Variants in NCAM1 observed in about 807,000 individuals in gnomAD.
NCAM1 encodes the protein neural cell adhesion molecule 1.
NCAM1 carries 14 observed loss-of-function variants against 109.8 expected under a neutral mutation model. That is an observed-to-expected ratio of 0.13 (90% CI 0.08 to 0.20). The LOEUF is 0.20. Ranked by LOEUF, NCAM1 falls within the 10% of genes least tolerant of loss-of-function variation. The pLI, the probability that NCAM1 is intolerant of heterozygous loss-of-function variation, is 1.00. For missense variants in NCAM1, 774 were observed against 1,109.9 expected, an observed-to-expected ratio of 0.70 and a Z score of 4.30; for synonymous variants, 418 against 442.9, an observed-to-expected ratio of 0.94 and a Z score of 0.70.
rs548109219 is a variant in NCAM1 at position 113,015,391 on chromosome 11, A to C, written c.52+53727A>C. Among the ~76,000 whole-genome samples the C allele has an allele frequency of 2.0e-5, 3 of 152,288 alleles. No individual in the cohort carries two copies. The South Asian group carries it at 6.2e-4, about 32-fold the overall frequency. ...ACATCTGGTTCAACCAAATATTACA[A>C]AATAGTTTGGGTGTAACCCTCTGAT... On this transcript the variant is annotated intron_variant, in intron 1 of 19. Coordinates refer to ENST00000316851, the MANE Select transcript of NCAM1 (RefSeq NM_181351.5).
chr11:113,264,360 C>T (rs1565538204), intron 17 of NCAM1: 2 of 985,378 alleles, frequency 2.0e-6, no homozygotes, highest in East Asian at 1.1e-4. Flanking sequence ...GCCATTAATC[C>T]CCAGCGCTCA....
intron 17 of NCAM1, chr11:113,263,058 G>C: frequency 7.1e-7 from 1 of 1,417,620 alleles, no homozygotes; most frequent in South Asian, 1.7e-5. Flanking sequence ...GGAAGAGAAG[G>C]TTTTGTGATT....
At chr11:113,095,900 A>T (rs1939574995) in intron 1 of NCAM1, among the ~76,000 whole-genome samples, 2 of 152,210 alleles carry the variant, frequency 1.3e-5, no homozygotes, top group African/African-American at 2.4e-5. Context: ...AATGAATAAT[A>T]ATAGCTGTTT....
chr11:113,059,819 C>T (rs1953854698), intron 1 of NCAM1, among the ~76,000 whole-genome samples: 1 of 152,162 alleles, frequency 6.6e-6, no homozygotes, highest in Non-Finnish European at 1.5e-5. Flanking sequence ...CAGTGATTCC[C>T]TCCCAATGAA....
chr11:112,990,478 A>G (rs538687988), intron 1 of NCAM1, among the ~76,000 whole-genome samples: 1 of 152,180 alleles, frequency 6.6e-6, no homozygotes, highest in East Asian at 1.9e-4. Flanking sequence ...TCTCAGAGCC[A>G]TTTCAGGGTT....
chr11:112,997,257 T>G (rs981663506), intron 1 of NCAM1, among the ~76,000 whole-genome samples: 3 of 152,154 alleles, frequency 2.0e-5, no homozygotes, highest in African/African-American at 7.2e-5. Context: ...GACTCAGAAT[T>G]AAAAGGCTAC....
chr11:113,025,337 G>A (rs1952504180), intron 1 of NCAM1, among the ~76,000 whole-genome samples: 1 of 152,126 alleles, frequency 6.6e-6, no homozygotes, highest in Admixed American at 6.5e-5. Flanking sequence ...TACAAAAACA[G>A]CCATATTTAT....
chr11:113,059,547 G>A (rs992545280), intron 1 of NCAM1, among the ~76,000 whole-genome samples: 13 of 152,130 alleles, frequency 8.5e-5, no homozygotes, highest in African/African-American at 1.4e-4. Flanking sequence ...CATCCTCCCA[G>A]GCCTTTCTAT....
At chr11:113,000,649 G>A (rs568970692) in intron 1 of NCAM1, among the ~76,000 whole-genome samples, 1 of 151,946 alleles carries the variant, frequency 6.6e-6, no homozygotes, top group African/African-American at 2.4e-5. Flanking sequence ...CTGGGGGTCA[G>A]AATGGCTGTT....
At chr11:113,140,969 G>A (rs1941797052) in intron 1 of NCAM1, among the ~76,000 whole-genome samples, 1 of 152,048 alleles carries the variant, frequency 6.6e-6, no homozygotes, top group South Asian at 2.1e-4. Flanking sequence ...GACGAACATA[G>A]TGCTCGTACT....
intron 1 of NCAM1, among the ~76,000 whole-genome samples, chr11:113,192,814 C>T (rs782601654): frequency 1.2e-4 from 19 of 152,260 alleles, no homozygotes; most frequent in African/African-American, 3.1e-4. Context: ...ATAAAATGAA[C>T]GGGTTGGAGA....
chr11:113,076,239 C>G lies in NCAM1; in HGVS notation c.52+114575C>G, dbSNP rs1938521008. 2.6e-5 allele frequency among the ~76,000 whole-genome samples: 4 copies of G among 152,108 alleles called. No individual in the cohort carries two copies. The South Asian group carries it at 8.3e-4, about 32-fold the overall frequency. On this transcript the variant is annotated intron_variant, in intron 1 of 19. Transcript: ENST00000316851. ...TTCTTGCTTCAGGAGAAAGAGGGAC[C>G]CTTTTCTACTTTCTGTGATCCAGGA...
intron 1 of NCAM1, among the ~76,000 whole-genome samples, chr11:113,120,946 T>A (rs1291000517): frequency 6.6e-6 from 1 of 152,094 alleles, no homozygotes; most frequent in Non-Finnish European, 1.5e-5. Context: ...AGAGGATGGT[T>A]TGGGATGATT....
intron 1 of NCAM1, among the ~76,000 whole-genome samples, chr11:113,057,263 G>A (rs1399768994): frequency 1.1e-4 from 17 of 152,058 alleles, no homozygotes; most frequent in African/African-American, 1.9e-4. Flanking sequence ...AGTGAGGAGC[G>A]CCCAGACAGA....
chr11:113,124,164 A>G (rs1282648636), intron 1 of NCAM1, among the ~76,000 whole-genome samples: 1 of 152,200 alleles, frequency 6.6e-6, no homozygotes, highest in Non-Finnish European at 1.5e-5. Context: ...CTCACTAGGC[A>G]GAAGACCCGG....
chr11:113,143,672 C>T (rs1941912957), intron 1 of NCAM1, among the ~76,000 whole-genome samples: 1 of 152,172 alleles, frequency 6.6e-6, no homozygotes, highest in African/African-American at 2.4e-5. Context: ...ATTGATTAAT[C>T]ATCCCCCAGT....
intron 9 of NCAM1, 179 bp from the exon 10 acceptor site, chr11:113,231,466 C>A: frequency 1.2e-6 from 1 of 864,250 alleles, no homozygotes; most frequent in Non-Finnish European, 1.8e-6. Flanking sequence ...CTTCCCAGTG[C>A]CTCCCCCATT....
At chr11:113,138,517 G>T (rs1347162297) in intron 1 of NCAM1, among the ~76,000 whole-genome samples, 1 of 152,160 alleles carries the variant, frequency 6.6e-6, no homozygotes, top group Non-Finnish European at 1.5e-5. Flanking sequence ...ATTGAGGAGG[G>T]TATTTTTTAT....
intron 1 of NCAM1, among the ~76,000 whole-genome samples, chr11:113,009,331 T>TTTTTTTTTTTTTTTTTA (rs1565379756): frequency 7.3e-6 from 1 of 136,616 alleles, no homozygotes. Flanking sequence ...TTTTTTTTTT[T>TTTTTTTTTTTTTTTTTA]TTTTTTTTTT....
Sources: allele counts gnomAD v4.1 joint callset (sites outside exome capture counted in the v4.1 genomes callset), GRCh38; gene constraint gnomAD v4.1.1; transcripts MANE v1.5; gene names NCBI Gene and HGNC (gene_info 2026-07-23, HGNC 2026-07-21).